ITGAM: variants seen among roughly 807,000 people sequenced by gnomAD.
The protein encoded by ITGAM is integrin alpha-M.
In ITGAM, 79 loss-of-function variants were observed where a neutral mutation model predicts 137.5. That is an observed-to-expected ratio of 0.57 (90% CI 0.48 to 0.69). The LOEUF is 0.69. ITGAM is among the 30% of genes least tolerant of loss of function. The probability of loss-of-function intolerance (pLI) is 0.00; values close to 1 mark genes in which losing one functional copy is unlikely to be tolerated. For missense variants in ITGAM, 1,343 were observed against 1,483.5 expected (o/e 0.91, Z 1.56); for synonymous variants, 583 against 592.3 (o/e 0.98, Z 0.23).
Position 31,321,283 on chromosome 16 carries a change from GGTCA to G in ITGAM, c.1755_1758del (p.Gln585HisfsTer2). The stretch of plus-strand genomic sequence containing the variant: ...GCTCTCTCCCAGGCTCCAGTATTTT[GGTCA>G]GTCACTGAGTGGGGGCCAGGACCTC... On this transcript the variant is annotated frameshift_variant, in exon 15 of 30. Coordinates refer to ENST00000544665, the MANE Select transcript of ITGAM (RefSeq NM_000632.4). LOFTEE classifies it high-confidence loss of function. 1 of 1,613,918 alleles carries G rather than the reference GGTCA, an allele frequency of 6.2e-7. No individual in the cohort carries two copies.
intron 5 of ITGAM, among the ~76,000 whole-genome samples, 180 bp from the exon 6 acceptor site, chr16:31,270,774 A>G (rs2079830177): frequency 7.2e-6 from 1 of 138,378 alleles, no homozygotes; most frequent in African/African-American, 2.7e-5. Context: ...ATATATATAT[A>G]TACACACACG....
intron 29 of ITGAM, 77 bp downstream of exon 29, chr16:31,331,352 C>A: frequency 1.1e-6 from 1 of 878,640 alleles, no homozygotes; most frequent in Admixed American, 1.9e-5. Flanking sequence ...TCGGTTTCCC[C>A]GGCGGGGCTG....
chr16:31,329,073 T>TTCCCCCTC, intron 23 of ITGAM, 155 bp from the exon 24 acceptor site: 10 of 426,226 alleles, frequency 2.3e-5, no homozygotes, highest in Admixed American at 3.7e-5. Context: ...ACACATTGGT[T>TTCCCCCTC]CCCCCATCCC....
At chr16:31,263,785 A>G (rs1436973216) in intron 2 of ITGAM, among the ~76,000 whole-genome samples, 2 of 148,686 alleles carry the variant, frequency 1.3e-5, no homozygotes, top group East Asian at 3.9e-4. Flanking sequence ...TGCTTATGGT[A>G]GTTTATCACA....
intron 14 of ITGAM, among the ~76,000 whole-genome samples, chr16:31,312,540 C>G (rs938086423): frequency 4.6e-5 from 7 of 152,152 alleles, no homozygotes; most frequent in African/African-American, 1.7e-4. Flanking sequence ...GATCCGCCTG[C>G]CTCAGCCTCC....
At chr16:31,310,484 C>A (rs1216847030) in intron 14 of ITGAM, among the ~76,000 whole-genome samples, 1 of 152,144 alleles carries the variant, frequency 6.6e-6, no homozygotes, top group Non-Finnish European at 1.5e-5. Flanking sequence ...CAGTTGATCG[C>A]GTCAGTTACT....
In ITGAM at chr16:31,329,900, T is replaced by C. The variant is rs1400038277; in HGVS notation, c.2971T>C (p.Ser991Pro). 2 of 1,559,374 alleles carry C rather than the reference T, an allele frequency of 1.3e-6. No individual in the cohort carries two copies. Among genetic ancestry groups the C allele is most frequent in the Non-Finnish European group, 1.7e-6 (2 of 1,151,366 alleles). The change falls in exon 25 of 30, where the codon TCC (serine) becomes CCC (proline). Residue 991 changes from serine to proline, a missense_variant. Transcript: ENST00000544665. ...VIWDRPQVTF[S>P]ENLSSTCHTK... Reference sequence around the variant, plus strand: ...ATGGGACCGCCCCCAGGTCACCTTCTCCGAGGTGAGCGGAGCTCGGCCTGA... The same window carrying C: ...ATGGGACCGCCCCCAGGTCACCTTCCCCGAGGTGAGCGGAGCTCGGCCTGA...
intron 12 of ITGAM, among the ~76,000 whole-genome samples, chr16:31,296,993 AATAT>A (rs1358386010): frequency 6.6e-6 from 1 of 152,122 alleles, no homozygotes; most frequent in Non-Finnish European, 1.5e-5. Flanking sequence ...AAAGATTCCC[AATAT>A]ATTGAAAGGG....
chr16:31,324,702 C>T lies in ITGAM; in HGVS notation c.2209C>T (p.Leu737=), dbSNP rs1353040235. Reference sequence around the variant, plus strand: ...CATTGTGCTGCGCCTGAACTTCTCTCTGGTGGGAACGCCATTGTCTGCTTT... The same window carrying T: ...CATTGTGCTGCGCCTGAACTTCTCTTTGGTGGGAACGCCATTGTCTGCTTT... ...SPIVLRLNFS[L]VGTPLSAFGN... is the part of the protein sequence containing the mutation. Residue 737 remains leucine, a synonymous_variant, in exon 18 of 30, where the codon CTG becomes TTG. Transcript: ENST00000544665. This position sits in a 1 kb window ranked among gnomAD's most constrained non-coding sequence, Gnocchi z 4.5. 2 of 1,601,550 alleles carry T rather than the reference C, an allele frequency of 1.2e-6. No individual in the cohort carries two copies. Among genetic ancestry groups the T allele is most frequent in the East Asian group, 2.2e-5 (1 of 44,792 alleles).
chr16:31,285,088 G>T (rs766968708), intron 12 of ITGAM, among the ~76,000 whole-genome samples: 1 of 152,104 alleles, frequency 6.6e-6, no homozygotes, highest in Non-Finnish European at 1.5e-5. Flanking sequence ...ACAGGTCCAC[G>T]TGAGGGGGTC....
At chr16:31,311,582 G>T (rs1401007159) in intron 14 of ITGAM, among the ~76,000 whole-genome samples, 1 of 152,176 alleles carries the variant, frequency 6.6e-6, no homozygotes, top group Admixed American at 6.5e-5. Flanking sequence ...AAACCACAAT[G>T]AGATACCATC....
rs753527242 is a variant in ITGAM at position 31,329,318 on chromosome 16, C to T, written c.2868+15C>T. ...ATCAATATCAGGTGGGCAGCTGGGA[C>T]GTCTGGGTCCTGAGAAGGAGGCTGG... On this transcript the variant is annotated intron_variant, in intron 24 of 29. Coordinates refer to ENST00000544665, the MANE Select transcript of ITGAM (RefSeq NM_000632.4). The T allele has an allele frequency of 7.6e-6, 12 of 1,577,858 alleles. No individual in the cohort carries two copies. Among genetic ancestry groups the T allele is most frequent in the African/African-American group, 1.3e-5 (1 of 74,096 alleles).
chr16:31,274,465 T>A (rs2079884279), intron 8 of ITGAM, among the ~76,000 whole-genome samples: 1 of 152,156 alleles, frequency 6.6e-6, no homozygotes, highest in African/African-American at 2.4e-5. Flanking sequence ...CTGCGAGGTG[T>A]GAGTTCCAAC....
intron 12 of ITGAM, among the ~76,000 whole-genome samples, chr16:31,288,959 T>C (rs1352632192): frequency 2.6e-5 from 4 of 152,178 alleles, no homozygotes; most frequent in African/African-American, 7.2e-5. Flanking sequence ...TTAACAGACA[T>C]TTCTCAAAAG....
chr16:31,275,119 G>C (rs535286759), intron 8 of ITGAM, among the ~76,000 whole-genome samples: 78 of 152,152 alleles, frequency 5.1e-4, no homozygotes, highest in African/African-American at 1.8e-3. Flanking sequence ...GCACAGCAGA[G>C]TGCTGGGGGA....
At chr16:31,265,316 C>G in intron 2 of ITGAM, 79 bp from the exon 3 acceptor site, 1 of 687,764 alleles carries the variant, frequency 1.5e-6, no homozygotes, top group Non-Finnish European at 2.3e-6. Flanking sequence ...CCACCGTCCT[C>G]TGGGTGGCAG....
intron 26 of ITGAM, 39 bp from the exon 27 acceptor site, chr16:31,330,269 G>A (rs151043868): frequency 3.1e-6 from 5 of 1,593,320 alleles, no homozygotes; most frequent in South Asian, 1.1e-5. Flanking sequence ...CTCTGCCTTC[G>A]GCTTCCTTAC....
At position 31,332,063 on chromosome 16, in the gene ITGAM, A is replaced by C. The variant is rs1402632420; in HGVS notation, c.*356A>C. The C allele has an allele frequency of 4.1e-6, 1 of 245,114 alleles. No individual in the cohort carries two copies. The allele number at this position is 245,114 out of a possible 1,614,324, so 15.2% of individuals were successfully genotyped here. ...GGCGTGTGGCTCACGTGTGTGACTC[A>C]GATGTCTCTGGCGTGTGGGTAGGTG... is the stretch of plus-strand genomic sequence containing the variant. On this transcript the variant is annotated 3_prime_UTR_variant, in exon 30 of 30. Transcript: ENST00000544665.
chr16:31,292,362 C>G (rs1376503330), intron 12 of ITGAM, among the ~76,000 whole-genome samples: 1 of 149,718 alleles, frequency 6.7e-6, no homozygotes, highest in East Asian at 1.9e-4. Flanking sequence ...TTTTGTCACC[C>G]AGGTATTAAG....
Sources: gnomAD v4.1 joint callset for allele counts (sites outside exome capture counted in the v4.1 genomes callset) on GRCh38, gnomAD v4.1.1 for gene constraint, Gnocchi (gnomAD v3.1) non-coding constraint, MANE v1.5 for transcripts, NCBI Gene and HGNC (gene_info 2026-07-23, HGNC 2026-07-21) for gene names.